Variants in CPQ observed in about 807,000 individuals in gnomAD.
CPQ encodes Ser-Met dipeptidase.
In CPQ, 37 loss-of-function variants were observed where a neutral mutation model predicts 45.7. That is an observed-to-expected ratio of 0.81 (90% CI 0.62 to 1.07). The LOEUF (loss-of-function observed/expected upper bound fraction) is 1.07, where lower values mean the gene tolerates loss of function less well. Ranked by LOEUF, CPQ falls within the 50% of genes least tolerant of loss-of-function variation. The probability of loss-of-function intolerance (pLI) is 0.00; values close to 1 mark genes in which losing one functional copy is unlikely to be tolerated. For missense variants in CPQ, 537 were observed against 572.9 expected, an observed-to-expected ratio of 0.94 and a Z score of 0.64; for synonymous variants, 186 against 205.8, an observed-to-expected ratio of 0.90 and a Z score of 0.82.
intron 1 of CPQ, among the ~76,000 whole-genome samples, chr8:96,752,967 T>C (rs1447163712): frequency 6.6e-6 from 1 of 152,184 alleles, no homozygotes; most frequent in Admixed American, 6.6e-5. Context: ...CTTCTTTTGG[T>C]GCTATTACAT....
chr8:97,075,341 T>G (rs1020416725), intron 7 of CPQ, among the ~76,000 whole-genome samples: 4 of 152,310 alleles, frequency 2.6e-5, no homozygotes, highest in Admixed American at 1.3e-4. Context: ...TCTTCTGAGT[T>G]CCCCTTCTTA....
At position 96,800,235 on chromosome 8, in the gene CPQ, G is replaced by C. The variant is rs532708593; in HGVS notation, c.433+14905G>C. ...AACTTAAAGAAGAGGAAGCCTAAAA[G>C]CTAGCAAGTATGTAAAGAAATGTTC... On this transcript the variant is annotated intron_variant, in intron 2 of 7. Transcript: ENST00000220763. Among the ~76,000 whole-genome samples the C allele has an allele frequency of 5.9e-5, 9 of 152,228 alleles. No individual in the cohort carries two copies. In the East Asian group the frequency reaches 1.7e-3, roughly 29 times the overall value.
intron 5 of CPQ, among the ~76,000 whole-genome samples, chr8:96,979,776 C>G (rs1387623865): frequency 6.6e-6 from 1 of 152,080 alleles, no homozygotes; most frequent in East Asian, 1.9e-4. Flanking sequence ...AACGTTTCTA[C>G]TGGGTATGTG....
intron 6 of CPQ, among the ~76,000 whole-genome samples, chr8:97,054,328 G>A (rs1290738799): frequency 3.9e-5 from 6 of 152,142 alleles, no homozygotes; most frequent in African/African-American, 4.8e-5. Flanking sequence ...TGGTGGGAAC[G>A]TAAATTAGTA....
chr8:97,072,367 A>G (rs1022235742), intron 7 of CPQ, among the ~76,000 whole-genome samples: 2 of 152,144 alleles, frequency 1.3e-5, no homozygotes, highest in African/African-American at 4.8e-5. Flanking sequence ...ATGTATGAAT[A>G]AAGTGTTCAC....
At chr8:96,951,114 A>G (rs1312243987) in intron 4 of CPQ, among the ~76,000 whole-genome samples, 3 of 152,086 alleles carry the variant, frequency 2.0e-5, no homozygotes, top group Non-Finnish European at 4.4e-5. Flanking sequence ...TTTTTCTTTC[A>G]TCTTTAAACA....
chr8:96,959,473 C>T (rs1801867633), intron 4 of CPQ, among the ~76,000 whole-genome samples: 1 of 152,036 alleles, frequency 6.6e-6, no homozygotes, highest in African/African-American at 2.4e-5. Context: ...AACCTTTCCC[C>T]TGTTAGTCAT....
At chr8:97,009,403 T>TACC (rs1809441738) in intron 5 of CPQ, among the ~76,000 whole-genome samples, 1 of 152,166 alleles carries the variant, frequency 6.6e-6, no homozygotes, top group African/African-American at 2.4e-5. Flanking sequence ...TTGTAGAAGG[T>TACC]AGGTGTAAGG....
intron 7 of CPQ, among the ~76,000 whole-genome samples, chr8:97,095,587 T>A (rs1811198387): frequency 6.6e-6 from 1 of 152,178 alleles, no homozygotes; most frequent in Non-Finnish European, 1.5e-5. Flanking sequence ...ACTTGACACT[T>A]GCCAAACTCT....
chr8:96,720,388 T>C (rs1429036885), intron 1 of CPQ, among the ~76,000 whole-genome samples: 1 of 152,226 alleles, frequency 6.6e-6, no homozygotes, highest in African/African-American at 2.4e-5. Flanking sequence ...CTGTTATTTT[T>C]CTCTGAAGAG....
At chr8:96,678,560 G>T (rs2130726716) in intron 1 of CPQ, among the ~76,000 whole-genome samples, 1 of 151,954 alleles carries the variant, frequency 6.6e-6, no homozygotes, top group Middle Eastern at 3.4e-3. Context: ...CCTTTTCTTT[G>T]CATCCTTGCC....
At chr8:96,917,294 T>C (rs1337019328) in intron 4 of CPQ, among the ~76,000 whole-genome samples, 2 of 152,174 alleles carry the variant, frequency 1.3e-5, no homozygotes, top group East Asian at 3.8e-4. Flanking sequence ...TTAATGTAGA[T>C]ACATGAATAC....
At chr8:96,902,811 C>T (rs547564201) in intron 4 of CPQ, among the ~76,000 whole-genome samples, 1 of 152,172 alleles carries the variant, frequency 6.6e-6, no homozygotes, top group Non-Finnish European at 1.5e-5. Flanking sequence ...AGAGTTAACT[C>T]CTTGTAGGGT....
chr8:96,745,352 A>T (rs1325105849), intron 1 of CPQ, among the ~76,000 whole-genome samples: 2 of 152,180 alleles, frequency 1.3e-5, no homozygotes, highest in Non-Finnish European at 2.9e-5. Context: ...AAGTGGGCTG[A>T]AGAGCAGTTT....
chr8:97,106,322 G>A (rs573021676), intron 7 of CPQ, among the ~76,000 whole-genome samples: 1 of 152,304 alleles, frequency 6.6e-6, no homozygotes, highest in African/African-American at 2.4e-5. Flanking sequence ...ATGAGTTCCC[G>A]GGTTCTGACC....
intron 4 of CPQ, among the ~76,000 whole-genome samples, chr8:96,884,351 TC>T (rs1035802436): frequency 6.6e-6 from 1 of 152,200 alleles, no homozygotes; most frequent in Non-Finnish European, 1.5e-5. Context: ...CGATTTTTTT[TC>T]TTCTGGTCTT....
intron 1 of CPQ, among the ~76,000 whole-genome samples, chr8:96,724,777 C>G (rs1340000723): frequency 6.6e-6 from 1 of 152,076 alleles, no homozygotes; most frequent in South Asian, 2.1e-4. Context: ...CATATGGAAC[C>G]AGAAAGGAGC....
intron 3 of CPQ, among the ~76,000 whole-genome samples, chr8:96,850,334 T>C (rs1208879804): frequency 6.6e-6 from 1 of 152,104 alleles, no homozygotes; most frequent in African/African-American, 2.4e-5. Context: ...TGGGGCTTGG[T>C]TTTTAATCTC....
At chr8:96,841,127 A>C (rs1355227443) in intron 3 of CPQ, among the ~76,000 whole-genome samples, 1 of 152,084 alleles carries the variant, frequency 6.6e-6, no homozygotes, top group African/African-American at 2.4e-5. Context: ...GGGACAGGAG[A>C]ATAAGAAATG....
Sources: gnomAD v4.1 joint callset for allele counts (sites outside exome capture counted in the v4.1 genomes callset) on GRCh38, gnomAD v4.1.1 for gene constraint, MANE v1.5 for transcripts, NCBI Gene and HGNC (gene_info 2026-07-23, HGNC 2026-07-21) for gene names.